The following RNF213 variants were observed in gnomAD, a reference collection of about 807,000 sequenced individuals.
RNF213 encodes the protein E3 ubiquitin-protein ligase RNF213.
In RNF213, 341 loss-of-function variants were observed where a neutral mutation model predicts 514.4. That is an observed-to-expected ratio of 0.66 (90% CI 0.61 to 0.73). RNF213 has a LOEUF of 0.73. Among genes scored for constraint, RNF213 ranks in the 30% least tolerant of loss-of-function variants. The pLI, the probability that RNF213 is intolerant of heterozygous loss-of-function variation, is 0.00. For synonymous variants in RNF213, 2,655 were observed against 2,658.2 expected (o/e 1.00, Z 0.04); for missense variants, 5,767 against 6,615.6 (o/e 0.87, Z 4.45).
At chr17:80,334,361 C>A in intron 22 of RNF213, 91 bp downstream of exon 22, 1 of 1,369,348 alleles carries the variant, frequency 7.3e-7, no homozygotes, top group Non-Finnish European at 9.7e-7. Context: ...GGCAATACCT[C>A]CCCTTGGCCA....
chr17:80,269,504 T>G (rs1316061620), intron 2 of RNF213, among the ~76,000 whole-genome samples: 1 of 151,756 alleles, frequency 6.6e-6, no homozygotes, highest in Non-Finnish European at 1.5e-5. Flanking sequence ...CATTCATCTA[T>G]TCTATCTATC....
At position 80,394,728 on chromosome 17, in the gene RNF213, C is replaced by A. The variant is rs1157610136; in HGVS notation, c.*1230C>A. ...ACTCAGCCATGCACACCTTGAGCAG[C>A]GCCGGCAGGAGGCACGGAAGGAACT... On this transcript the variant is annotated 3_prime_UTR_variant, in exon 68 of 68. Coordinates refer to ENST00000582970, the MANE Select transcript of RNF213 (RefSeq NM_001256071.3). 1 of 152,198 alleles carries A rather than the reference C, an allele frequency of 6.6e-6. No individual in the cohort carries two copies. The highest frequency in any genetic ancestry group is 1.5e-5 in the Non-Finnish European group (1 of 68,040). 9.4% of individuals were successfully genotyped at this position (152,198 alleles called of 1,614,324 possible).
In RNF213 at chr17:80,380,861, C is replaced by T. The variant is rs4889848; in HGVS notation, c.13671C>T (p.His4557=). Residue 4557 remains histidine, a synonymous_variant, in exon 56 of 68, where the codon CAC becomes CAT. Coordinates refer to ENST00000582970, the MANE Select transcript of RNF213 (RefSeq NM_001256071.3). ...KDKADRTQTG[H]VLGNPQRRDV... is the part of the protein sequence containing the mutation. Reference sequence around the variant, plus strand: ...AGGCAGACAGAACGCAGACCGGCCACGTGCTGGGCAACCCGCAGCGGAGAG... The same window carrying T: ...AGGCAGACAGAACGCAGACCGGCCATGTGCTGGGCAACCCGCAGCGGAGAG... 0.82 allele frequency: 1,320,786 copies of T among 1,614,068 alleles called. 546,570 individuals are homozygous for T. The highest frequency in any genetic ancestry group is 0.96 in the African/African-American group (72,398 of 75,036).
chr17:80,350,404 T>G lies in RNF213; in HGVS notation c.10184+8T>G. The G allele has an allele frequency of 6.4e-7, 1 of 1,573,982 alleles. No individual in the cohort carries two copies. The highest frequency in any genetic ancestry group is 2.2e-5 in the East Asian group (1 of 44,684). On this transcript the variant is annotated splice_region_variant and intron_variant, in intron 31 of 67. Transcript: ENST00000582970. ...GCTCATTGCCTCAGCTAAGTATGTTTTTAGTATTTTTCTCAGAAACTATGT... is the reference window on the plus strand; with the variant it reads ...GCTCATTGCCTCAGCTAAGTATGTTGTTAGTATTTTTCTCAGAAACTATGT...
chr17:80,343,058 T>C lies in RNF213; in HGVS notation c.5990-74T>C. On this transcript the variant is annotated intron_variant, in intron 26 of 67. Coordinates refer to ENST00000582970, the MANE Select transcript of RNF213 (RefSeq NM_001256071.3). This position sits in a 1 kb window ranked among gnomAD's most constrained non-coding sequence, Gnocchi z 4.3. ...CCTGACCTCAAGTGATCCCCCCGCC[T>C]CGGCCTCCCAAAGTGCTAGGATTAC... 2 of 1,254,856 alleles carry C rather than the reference T, an allele frequency of 1.6e-6. No individual in the cohort carries two copies. The highest frequency in any genetic ancestry group is 2.4e-5 in the East Asian group (1 of 42,498). The allele number at this position is 1,254,856 out of a possible 1,614,324, so 77.7% of individuals were successfully genotyped here. A position where few individuals can be genotyped will look rare whatever the true frequency, so the allele number is the denominator to read the frequency against.
At chr17:80,266,583 C>A (rs2043618102) in intron 2 of RNF213, among the ~76,000 whole-genome samples, 1 of 152,032 alleles carries the variant, frequency 6.6e-6, no homozygotes, top group South Asian at 2.1e-4. Flanking sequence ...CTCACTGCAA[C>A]CTTTACCTCC....
At position 80,339,844 on chromosome 17, in the gene RNF213, A is replaced by C. The variant is rs965164684; in HGVS notation, c.5477A>C (p.Gln1826Pro). Residue 1826 changes from glutamine (Q) to proline (P), a missense_variant, in exon 26 of 68, where the codon CAG (glutamine) becomes CCG (proline). This residue lies in a region of RNF213 where 1,377 missense variants were observed against 1,635.2 expected (regional missense o/e 0.84). Coordinates refer to ENST00000582970, the MANE Select transcript of RNF213 (RefSeq NM_001256071.3). ...PVERCLPRGL[Q>P]VGQPNLVVCG... is the part of the protein sequence containing the mutation. ...GAGCGTTGTCTCCCGAGAGGTCTGC[A>C]GGTCGGCCAGCCCAACCTCGTCGTC... 7.3e-5 allele frequency: 112 copies of C among 1,536,076 alleles called. No individual in the cohort carries two copies. The highest frequency in any genetic ancestry group is 9.4e-5 in the Non-Finnish European group (108 of 1,146,198).
At position 80,372,586 on chromosome 17, in the gene RNF213, A is replaced by G; in HGVS notation, c.12603A>G (p.Glu4201=). 1 of 1,613,986 alleles carries G rather than the reference A, an allele frequency of 6.2e-7. No homozygotes were observed. The highest frequency in any genetic ancestry group is 8.5e-7 in the Non-Finnish European group (1 of 1,179,982). The stretch of plus-strand genomic sequence containing the variant: ...ATGAACTGAACCACCTAGAAGAGGA[A>G]GGTCGTTTCCTTAAGGCATATTCTC... ...RNDELNHLEE[E]GRFLKAYSPA... is the part of the protein sequence containing the mutation. The change falls in exon 48 of 68, where the codon GAA becomes GAG. Residue 4201 remains glutamate, a synonymous_variant. Coordinates refer to ENST00000582970, the MANE Select transcript of RNF213 (RefSeq NM_001256071.3).
At position 80,386,679 on chromosome 17, in the gene RNF213, C is replaced by G. The variant is rs199787553; in HGVS notation, c.14721-11C>G. 6.2e-7 allele frequency: 1 copy of G among 1,613,918 alleles called. No homozygotes were observed. Among genetic ancestry groups the G allele is most frequent in the Non-Finnish European group, 8.5e-7 (1 of 1,179,866 alleles). On this transcript the variant is annotated splice_polypyrimidine_tract_variant and intron_variant, in intron 62 of 67. Coordinates refer to ENST00000582970, the MANE Select transcript of RNF213 (RefSeq NM_001256071.3). ...GGCCTGGACGCTGAGCGCTGTCTTT[C>G]TGCCCCTCAGCTATTCCGTGGATGC...
At chr17:80,388,766 C>A (rs1286314287) in intron 64 of RNF213, 77 bp downstream of exon 64, 1 of 1,123,962 alleles carries the variant, frequency 8.9e-7, no homozygotes, top group Non-Finnish European at 1.4e-6. Flanking sequence ...TAGGCCTACT[C>A]CAGCCTTGCC....
chr17:80,329,400 G>C (rs1251447222), intron 20 of RNF213, among the ~76,000 whole-genome samples: 1 of 152,246 alleles, frequency 6.6e-6, no homozygotes, highest in African/African-American at 2.4e-5. Flanking sequence ...CCACAGTGTG[G>C]CTATGTATGG....
chr17:80,334,848 G>C (rs943799342), intron 22 of RNF213, among the ~76,000 whole-genome samples: 31 of 151,238 alleles, frequency 2.0e-4, no homozygotes, highest in African/African-American at 6.6e-4. Context: ...GGATGGTCTC[G>C]ATCTCCTGAC....
rs781036289 is a variant in RNF213 at position 80,372,661 on chromosome 17, G to C, written c.12678G>C (p.Leu4226=). Residue 4226 remains leucine, a synonymous_variant, in exon 48 of 68, where the codon CTG becomes CTC. Transcript: ENST00000582970. ...CCAACGAGGCCTCGGTTGAATACCT[G>C]CAAGAGGTGGCCCGGATCCGCCTCT... The part of the protein sequence containing the change: ...EPANEASVEY[L]QEVARIRLCL... 1.9e-6 allele frequency: 3 copies of C among 1,613,944 alleles called. No homozygotes were observed. Among genetic ancestry groups the C allele is most frequent in the Admixed American group, 1.7e-5 (1 of 59,994 alleles).
At chr17:80,290,324 CG>C (rs1434864947) in intron 6 of RNF213, among the ~76,000 whole-genome samples, 4 of 151,096 alleles carry the variant, frequency 2.6e-5, no homozygotes, top group Non-Finnish European at 4.4e-5. Flanking sequence ...TGTGCGTTCA[CG>C]TGTGTGTGCG....
rs1419777592 is a variant in RNF213, at chr17:80,332,550, C to T, written c.4062C>T (p.His1354=). 7.8e-6 allele frequency: 12 copies of T among 1,536,010 alleles called. No individual in the cohort carries two copies. The highest frequency in any genetic ancestry group is 3.9e-5 in the Admixed American group (2 of 50,970). ...KEYHHLHQAV[H]AAKVILQVKE... The stretch of plus-strand genomic sequence containing the variant: ...ACCATCACCTGCACCAGGCTGTCCA[C>T]GCAGCCAAGGTCATCTTGCAGGTCA... The change falls in exon 21 of 68, where the codon CAC becomes CAT. Residue 1354 remains histidine, a synonymous_variant. Transcript: ENST00000582970.
chr17:80,336,487 C>G (rs2077991084), intron 23 of RNF213, 109 bp downstream of exon 23: 2 of 935,186 alleles, frequency 2.1e-6, no homozygotes, highest in African/African-American at 3.3e-5. Flanking sequence ...TAGGTTTGTA[C>G]ACAGCCGTTT....
intron 6 of RNF213, 126 bp from the exon 7 acceptor site, chr17:80,290,433 GTGTGTGCATGT>G (rs2044667801): frequency 2.9e-6 from 3 of 1,017,162 alleles, no homozygotes; most frequent in African/African-American, 3.1e-5. Context: ...GAGTGTGCGC[GTGTGTGCATGT>G]GTGTGTGCGA....
intron 9 of RNF213, 124 bp downstream of exon 9, chr17:80,295,127 C>G: frequency 1.8e-6 from 2 of 1,091,118 alleles, no homozygotes; most frequent in Admixed American, 1.9e-5. Flanking sequence ...AACTTTCCAG[C>G]CTTTTCTCCT....
At position 80,288,662 on chromosome 17, in the gene RNF213, T is replaced by C. The variant is rs2044564840; in HGVS notation, c.840T>C (p.Asn280=). ...MAVDAVAEPA[N]AVKGAGKEMK... is the part of the protein sequence containing the mutation. ...TTGATGCTGTAGCTGAGCCAGCCAA[T>C]GCAGTTAAAGGGGCCGGGAAGGAAA... Residue 280 remains asparagine, a synonymous_variant, in exon 5 of 68, where the codon AAT becomes AAC. Transcript: ENST00000582970. The surrounding 1 kb of genome is among the most constrained non-coding windows in gnomAD (Gnocchi z 4.9). 1 of 1,614,008 alleles carries C rather than the reference T, an allele frequency of 6.2e-7. No individual in the cohort carries two copies. The highest frequency in any genetic ancestry group is 1.3e-5 in the African/African-American group (1 of 74,906).
Sources: gnomAD v4.1 joint callset for allele counts (sites outside exome capture counted in the v4.1 genomes callset) on GRCh38, gnomAD v4.1.1 for gene constraint, gnomAD v4.1.1 regional missense constraint, Gnocchi (gnomAD v3.1) non-coding constraint, MANE v1.5 for transcripts, NCBI Gene and HGNC (gene_info 2026-07-23, HGNC 2026-07-21) for gene names.